POU2F2: variants seen among roughly 807,000 people sequenced by gnomAD.
The protein encoded by POU2F2 is POU domain, class 2, transcription factor 2.
A neutral mutation model predicts 63.5 loss-of-function variants in POU2F2; 14 were observed. The ratio of observed to expected loss-of-function variants is 0.22; its 90% confidence interval spans 0.15 to 0.34. The LOEUF is 0.34. Ranked by LOEUF, POU2F2 falls within the 10% of genes least tolerant of loss-of-function variation. The pLI, the probability that POU2F2 is intolerant of heterozygous loss-of-function variation, is 1.00. For missense variants in POU2F2, 607 were observed against 815.2 expected (o/e 0.74, Z 3.11); for synonymous variants, 306 against 348.6 (o/e 0.88, Z 1.36).
At chr19:42,150,735 T>C (rs1216917244) in intron 2 of POU2F2, among the ~76,000 whole-genome samples, 1 of 151,614 alleles carries the variant, frequency 6.6e-6, no homozygotes, top group Non-Finnish European at 1.5e-5. Flanking sequence ...CCCCAGCTTC[T>C]CCTGCTCCTG....
intron 11 of POU2F2, among the ~76,000 whole-genome samples, chr19:42,094,374 G>T (rs535666893): frequency 6.6e-6 from 1 of 152,248 alleles, no homozygotes; most frequent in East Asian, 1.9e-4. Context: ...CTTTGCATCG[G>T]GGTGTTGAGA....
chr19:42,122,476 G>A lies in POU2F2; in HGVS notation c.94+35C>T, dbSNP rs778505980. 6.9e-6 allele frequency: 11 copies of A among 1,605,282 alleles called. No individual in the cohort carries two copies. In the South Asian group the frequency reaches 7.7e-5, roughly 11 times the overall value. On this transcript the variant is annotated intron_variant, in intron 2 of 14. Transcript: ENST00000692977. ...CATCTGTCCCACTTCCCCTGCCCACGGTGACCCCTGCCCCCCTGCTCCCTG... is the reference window on the plus strand; with the variant it reads ...CATCTGTCCCACTTCCCCTGCCCACAGTGACCCCTGCCCCCCTGCTCCCTG...
intron 2 of POU2F2, among the ~76,000 whole-genome samples, chr19:42,151,434 G>A (rs1449407921): frequency 6.6e-6 from 1 of 152,050 alleles, no homozygotes; most frequent in East Asian, 1.9e-4. Context: ...CAAAGAACTG[G>A]AGCCCTGGGG....
intron 1 of POU2F2, among the ~76,000 whole-genome samples, chr19:42,190,901 G>A (rs2035068636): frequency 6.6e-6 from 1 of 151,888 alleles, no homozygotes; most frequent in African/African-American, 2.4e-5. Context: ...CATAGGTCTG[G>A]TTAAGTGTGT....
At chr19:42,165,783 A>G (rs1034086315) in intron 1 of POU2F2, among the ~76,000 whole-genome samples, 1 of 152,298 alleles carries the variant, frequency 6.6e-6, no homozygotes, top group Non-Finnish European at 1.5e-5. Context: ...CACACAAAAA[A>G]GGGGCAATGA....
chr19:42,193,164 G>A (rs559065345), intron 1 of POU2F2, among the ~76,000 whole-genome samples: 3 of 146,206 alleles, frequency 2.1e-5, no homozygotes, highest in Admixed American at 1.4e-4. Context: ...CTTGCAGTGA[G>A]CCAAGATCGG....
upstream of POU2F2, chr19:42,133,423 G>A (rs902158860): frequency 1.3e-5 from 2 of 154,538 alleles, no homozygotes; most frequent in African/African-American, 4.8e-5. This position sits in a 1 kb window ranked among gnomAD's most constrained non-coding sequence, Gnocchi z 5.1. Flanking sequence ...GCGCGCCCGA[G>A]TCCGCTGCCC....
chr19:42,129,004 T>A (rs2033457795), intron 1 of POU2F2, among the ~76,000 whole-genome samples: 1 of 152,130 alleles, frequency 6.6e-6, no homozygotes, highest in South Asian at 2.1e-4. Context: ...GGCTAATTTT[T>A]GTATTTTTAT....
chr19:42,135,393 G>T (rs1037906162), upstream of POU2F2, among the ~76,000 whole-genome samples: 1 of 152,054 alleles, frequency 6.6e-6, no homozygotes, highest in Non-Finnish European at 1.5e-5. Flanking sequence ...GGCAGCCTCT[G>T]GGGGGTTAGG....
At chr19:42,173,026 T>C (rs2034801483) in intron 1 of POU2F2, among the ~76,000 whole-genome samples, 1 of 152,212 alleles carries the variant, frequency 6.6e-6, no homozygotes, top group Non-Finnish European at 1.5e-5. Context: ...CTCAGAATTC[T>C]CATCTGTGAG....
chr19:42,103,627 CTTTTTTTT>C (rs1001669920), intron 5 of POU2F2, among the ~76,000 whole-genome samples: 24 of 100,556 alleles, frequency 2.4e-4, no homozygotes, highest in African/African-American at 9.8e-4. Context: ...GGGCTCGTTT[CTTTTTTTT>C]TTTTTTTTTT....
At chr19:42,116,517 T>A (rs1445078722) in intron 5 of POU2F2, among the ~76,000 whole-genome samples, 1 of 152,146 alleles carries the variant, frequency 6.6e-6, no homozygotes, top group Non-Finnish European at 1.5e-5. Context: ...TTCCTCCCTG[T>A]GAGCCTCACT....
intron 4 of POU2F2, 62 bp downstream of exon 4, chr19:42,122,064 G>T (rs568151961): frequency 6.7e-7 from 1 of 1,502,860 alleles, no homozygotes; most frequent in African/African-American, 1.4e-5. Flanking sequence ...ACTGAGGCAG[G>T]CCTCCTGAGG....
intron 2 of POU2F2, among the ~76,000 whole-genome samples, chr19:42,150,110 C>T (rs2034311636): frequency 6.6e-6 from 1 of 152,088 alleles, no homozygotes; most frequent in Non-Finnish European, 1.5e-5. Context: ...CTTTGGCTAT[C>T]CTGACTTTGG....
At chr19:42,094,501 C>A (rs948483139) in intron 11 of POU2F2, among the ~76,000 whole-genome samples, 1 of 152,200 alleles carries the variant, frequency 6.6e-6, no homozygotes, top group African/African-American at 2.4e-5. Flanking sequence ...CCTTCCCCAG[C>A]TCAAAACCAC....
chr19:42,144,128 T>G (rs1394307387), intron 2 of POU2F2, among the ~76,000 whole-genome samples: 3 of 152,246 alleles, frequency 2.0e-5, no homozygotes, highest in Non-Finnish European at 4.4e-5. Context: ...CTGGGCTGGA[T>G]GGAGCCCTCT....
At chr19:42,159,181 A>C (rs1242756034) in intron 2 of POU2F2, among the ~76,000 whole-genome samples, 1 of 152,186 alleles carries the variant, frequency 6.6e-6, no homozygotes, top group Non-Finnish European at 1.5e-5. Context: ...CAACATTTAA[A>C]GATTGGAAGA....
intron 1 of POU2F2, chr19:42,123,303 C>G (rs1213983115): frequency 6.6e-6 from 1 of 152,324 alleles, no homozygotes; most frequent in East Asian, 1.9e-4. Context: ...GCTGCAGTCT[C>G]AAGTCCACCC....
chr19:42,168,655 T>C (rs1385370154), intron 1 of POU2F2, among the ~76,000 whole-genome samples: 2 of 152,156 alleles, frequency 1.3e-5, no homozygotes, highest in African/African-American at 2.4e-5. Context: ...AAGGATCCCA[T>C]TTCCCACCTA....
Sources: allele counts gnomAD v4.1 joint callset (sites outside exome capture counted in the v4.1 genomes callset), GRCh38; gene constraint gnomAD v4.1.1; non-coding constraint Gnocchi (gnomAD v3.1); transcripts MANE v1.5; gene names NCBI Gene and HGNC (gene_info 2026-07-23, HGNC 2026-07-21).